The following VPS13D variants were observed in gnomAD, a reference collection of about 807,000 sequenced individuals.
The protein encoded by VPS13D is vacuolar protein sorting 13 homolog D.
Under a neutral mutation model 461.9 loss-of-function variants are expected in VPS13D, and 187 were observed. The ratio of observed to expected loss-of-function variants is 0.40; its 90% CI spans 0.36 to 0.46. The LOEUF is 0.46. Among genes scored for constraint, VPS13D ranks in the 20% least tolerant of loss-of-function variants. The probability of loss-of-function intolerance (pLI) is 0.60; values close to 1 mark genes in which losing one functional copy is unlikely to be tolerated. For missense variants in VPS13D, 4,711 were observed against 5,364.9 expected, an observed-to-expected ratio of 0.88 and a Z score of 3.81; for synonymous variants, 1,951 against 1,986.3, an observed-to-expected ratio of 0.98 and a Z score of 0.47.
At chr1:12,489,551 C>A (rs769305568) in intron 67 of VPS13D, among the ~76,000 whole-genome samples, 6 of 152,044 alleles carry the variant, frequency 3.9e-5, no homozygotes, top group Non-Finnish European at 7.4e-5. Context: ...AGAATGTTAA[C>A]AAGAAAGCAA....
intron 55 of VPS13D, among the ~76,000 whole-genome samples, chr1:12,376,836 A>C (rs1263983660): frequency 1.3e-5 from 2 of 152,108 alleles, no homozygotes; most frequent in Non-Finnish European, 2.9e-5. Flanking sequence ...GTGACTGAAA[A>C]GGAATGATAC....
intron 30 of VPS13D, among the ~76,000 whole-genome samples, chr1:12,316,228 T>A (rs1642883169): frequency 6.6e-6 from 1 of 152,210 alleles, no homozygotes; most frequent in Non-Finnish European, 1.5e-5. Flanking sequence ...TGGAAATATT[T>A]GTGTATTATA....
At chr1:12,434,828 A>G (rs1013098536) in intron 65 of VPS13D, among the ~76,000 whole-genome samples, 5 of 152,342 alleles carry the variant, frequency 3.3e-5, no homozygotes, top group South Asian at 2.1e-4. Flanking sequence ...GGAAATTCCA[A>G]TCAAAAGCCA....
chr1:12,400,962 GCACACACACACACA>G (rs55998605), intron 61 of VPS13D, among the ~76,000 whole-genome samples: 38 of 106,294 alleles, frequency 3.6e-4, no homozygotes, highest in Non-Finnish European at 1.9e-4. Context: ...CTGCGCGCGC[GCACACACACACACA>G]CACACACACA....
At chr1:12,236,669 C>A (rs563939490) in intron 2 of VPS13D, among the ~76,000 whole-genome samples, 4 of 152,152 alleles carry the variant, frequency 2.6e-5, no homozygotes, top group Non-Finnish European at 4.4e-5. Flanking sequence ...AGGCATGTTC[C>A]ACTGCACCCG....
At position 12,342,981 on chromosome 1, in the gene VPS13D, G is replaced by T; in HGVS notation, c.8815G>T (p.Glu2939Ter). Residue 2939 changes from glutamate to a stop codon, truncating the protein, a stop_gained, in exon 42 of 70, where the codon GAA becomes TAA. Transcript: ENST00000620676. LOFTEE classifies it high-confidence loss of function. The stretch of plus-strand genomic sequence containing the variant: ...TCTCGATGATACTCACAATGTTAGT[G>T]AATGGCGAGAAGTCCTTACAGGTGA... ...TFLDDTHNVS[E>*]WREVLTGEEI... 2 of 1,613,982 alleles carry T rather than the reference G, an allele frequency of 1.2e-6. No individual in the cohort carries two copies. Among genetic ancestry groups the T allele is most frequent in the Non-Finnish European group, 1.7e-6 (2 of 1,179,878 alleles).
At chr1:12,237,882 A>G (rs1332846976) in intron 2 of VPS13D, among the ~76,000 whole-genome samples, 1 of 150,810 alleles carries the variant, frequency 6.6e-6, no homozygotes, top group African/African-American at 2.4e-5. Context: ...GAGGCTGGGC[A>G]TGGTGGCTTA....
intron 7 of VPS13D, among the ~76,000 whole-genome samples, chr1:12,255,888 CAA>C (rs35699803): frequency 1.4e-4 from 8 of 56,382 alleles, no homozygotes; most frequent in Non-Finnish European, 2.2e-4. Context: ...AGACTCGTCT[CAA>C]AAAAAAAAAA....
chr1:12,460,453 C>G, intron 67 of VPS13D, 57 bp downstream of exon 67: 4 of 1,464,438 alleles, frequency 2.7e-6, no homozygotes, highest in Non-Finnish European at 3.6e-6. Flanking sequence ...TGCTGCTTCT[C>G]CTAATCCATA....
intron 1 of VPS13D, among the ~76,000 whole-genome samples, chr1:12,233,002 G>T (rs1640030524): frequency 6.6e-6 from 1 of 150,390 alleles, no homozygotes. Flanking sequence ...TGTTTCATGA[G>T]TTTCTTTTTC....
intron 16 of VPS13D, among the ~76,000 whole-genome samples, chr1:12,270,042 C>G (rs1641391505): frequency 6.6e-6 from 1 of 152,148 alleles, no homozygotes; most frequent in East Asian, 1.9e-4. Context: ...GTAGCCCCAG[C>G]TACTCGGGAG....
intron 3 of VPS13D, among the ~76,000 whole-genome samples, 199 bp downstream of exon 3, chr1:12,242,789 G>A (rs887805367): frequency 6.6e-6 from 1 of 152,104 alleles, no homozygotes; most frequent in Non-Finnish European, 1.5e-5. Flanking sequence ...GGGAGGTCAG[G>A]TGATACCCGG....
chr1:12,381,058 T>A lies in VPS13D; in HGVS notation c.11190+1462T>A, dbSNP rs55896852. ...TCTTCCTTAAAATCTTTTTTTGGTG[T>A]TTGTTGTTTTGTGAATCTATTTCAT... On this transcript the variant is annotated intron_variant, in intron 57 of 69. Transcript: ENST00000620676. 1.8e-3 allele frequency among the ~76,000 whole-genome samples: 276 copies of A among 152,312 alleles called. 1 individual carries two copies. Among genetic ancestry groups the A allele is most frequent in the African/African-American group, 6.1e-3 (254 of 41,566 alleles).
chr1:12,277,703 C>T lies in VPS13D; in HGVS notation c.4115C>T (p.Thr1372Ile). 6.2e-7 allele frequency: 1 copy of T among 1,614,206 alleles called. No individual in the cohort carries two copies. Among genetic ancestry groups the T allele is most frequent in the Non-Finnish European group, 8.5e-7 (1 of 1,180,034 alleles). Residue 1372 changes from threonine to isoleucine, a missense_variant, in exon 19 of 70, where the codon ACT becomes ATT. Coordinates refer to ENST00000620676, the MANE Select transcript of VPS13D (RefSeq NM_015378.4). ...GACCTAGCTTCGTCTCATTTGGACA[C>T]TGTAAAGCTAATCTTGAACATAAAC... is the stretch of plus-strand genomic sequence containing the variant. ...GFDLASSHLD[T>I]VKLILNINIE...
chr1:12,508,684 T>A (rs1401966451), intron 69 of VPS13D, among the ~76,000 whole-genome samples: 1 of 147,664 alleles, frequency 6.8e-6, no homozygotes, highest in East Asian at 2.0e-4. Flanking sequence ...CGACAGAGAC[T>A]CCGTCTCAAA....
intron 60 of VPS13D, among the ~76,000 whole-genome samples, chr1:12,392,240 T>A (rs183952539): frequency 6.6e-6 from 1 of 152,204 alleles, no homozygotes; most frequent in Non-Finnish European, 1.5e-5. Flanking sequence ...ACCTGTAGTC[T>A]CAGCACTTTG....
chr1:12,382,860 A>G, intron 57 of VPS13D, 116 bp from the exon 58 acceptor site: 2 of 939,906 alleles, frequency 2.1e-6, no homozygotes, highest in Non-Finnish European at 3.2e-6. Flanking sequence ...TTGCACATTG[A>G]TCATGACCCT....
At position 12,299,229 on chromosome 1, in the gene VPS13D, C is replaced by T. The variant is rs757409104; in HGVS notation, c.6061C>T (p.Arg2021Trp). The T allele has an allele frequency of 2.5e-6, 4 of 1,612,504 alleles. No homozygotes were observed. Among genetic ancestry groups the T allele is most frequent in the Non-Finnish European group, 2.5e-6 (3 of 1,179,710 alleles). ...GAGAGATCAAGCCCAGCGCTGTTCA[C>T]GGGTTCTCCTGGATATTGAGGCTGG... ...TVRDQAQRCSRVLLDIEAGAP... is the reference protein window; with the variant it reads ...TVRDQAQRCSWVLLDIEAGAP... The change falls in exon 25 of 70, where the codon CGG (arginine) becomes TGG (tryptophan). Residue 2021 changes from arginine (R) to tryptophan (W), a missense_variant. By Grantham distance (101) the Arg-to-Trp change is moderately radical. Around this residue, in one of 3 missense-constraint regions of VPS13D, gnomAD observed 4,411 missense variants for 4,937.8 expected, o/e 0.89. Transcript: ENST00000620676. This position sits in a 1 kb window ranked among gnomAD's most constrained non-coding sequence, Gnocchi z 4.2.
intron 67 of VPS13D, among the ~76,000 whole-genome samples, chr1:12,477,634 A>T (rs1055791274): frequency 6.6e-6 from 1 of 152,194 alleles, no homozygotes; most frequent in African/African-American, 2.4e-5. Context: ...CATTAATGAG[A>T]ACACATGGAT....
Sources: gnomAD v4.1 joint callset for allele counts (sites outside exome capture counted in the v4.1 genomes callset) on GRCh38, gnomAD v4.1.1 for gene constraint, gnomAD v4.1.1 regional missense constraint, Gnocchi (gnomAD v3.1) non-coding constraint, MANE v1.5 for transcripts, NCBI Gene and HGNC (gene_info 2026-07-23, HGNC 2026-07-21) for gene names.